ENO4: variants seen among roughly 807,000 people sequenced by gnomAD.
The protein encoded by ENO4 is enolase 4.
ENO4 carries 53 observed loss-of-function variants against 63.2 expected under a neutral mutation model. The ratio of observed to expected loss-of-function variants is 0.84; its 90% CI spans 0.67 to 1.05. The LOEUF (loss-of-function observed/expected upper bound fraction) is 1.05. Ranked by LOEUF, ENO4 falls within the 50% of genes least tolerant of loss-of-function variation. ENO4 has a pLI of 0.00. For synonymous variants in ENO4, 266 were observed against 283.8 expected (o/e 0.94, Z 0.63); for missense variants, 719 against 772.0 (o/e 0.93, Z 0.81).
At chr10:116,879,825 G>A (rs763104831) in intron 12 of ENO4, 44 bp from the exon 13 acceptor site, 3 of 1,407,730 alleles carry the variant, frequency 2.1e-6, no homozygotes, top group Non-Finnish European at 2.9e-6. Flanking sequence ...CGTTTAGCAA[G>A]ACATGGCTCC....
chr10:116,880,435 A>G lies in ENO4; in HGVS notation c.1723+449A>G, dbSNP rs568787980. 1.9e-3 allele frequency among the ~76,000 whole-genome samples: 284 copies of G among 152,356 alleles called. 2 individuals carry two copies. Among genetic ancestry groups the G allele is most frequent in the Non-Finnish European group, 3.4e-3 (229 of 68,044 alleles). On this transcript the variant is annotated intron_variant, in intron 13 of 13. Transcript: ENST00000341276. The stretch of plus-strand genomic sequence containing the variant: ...ATTAAGGTCTCAAGAGAAATCGATC[A>G]TTTAATGAAATTGAACCTTTGTAAA...
intron 10 of ENO4, among the ~76,000 whole-genome samples, chr10:116,904,968 G>A (rs915481490): frequency 1.7e-4 from 26 of 151,896 alleles, no homozygotes; most frequent in African/African-American, 4.6e-4. Context: ...TTGGGAGGCC[G>A]AGGCGGGTGG....
chr10:116,876,290 G>C (rs1018360946), intron 11 of ENO4, 30 bp downstream of exon 11: 1 of 1,481,246 alleles, frequency 6.8e-7, no homozygotes, highest in Non-Finnish European at 9.0e-7. Context: ...TGAAAGACTC[G>C]TAATGACTTG....
rs6144113 is a variant in ENO4, at chr10:116,893,576, G to GCACACACACA, written c.1194+13602_1194+13611dup. Among the ~76,000 whole-genome samples the GCACACACACA allele has an allele frequency of 1.5e-3, 188 of 123,592 alleles. 5 individuals are homozygous for GCACACACACA. Among genetic ancestry groups the GCACACACACA allele is most frequent in the Admixed American group, 2.3e-3 (27 of 11,842 alleles). 81.1% of individuals were successfully genotyped at this position (123,592 alleles called of 152,430 possible). ...CCCCCTCCCTGATAGGCACTCATGT[G>GCACACACACA]CACACACACACACACACACACGAGA... On this transcript the variant is annotated intron_variant, in intron 10 of 10. Transcript: ENST00000369207.
At chr10:116,896,287 C>T (rs369123490) in intron 10 of ENO4, among the ~76,000 whole-genome samples, 3 of 152,166 alleles carry the variant, frequency 2.0e-5, no homozygotes, top group East Asian at 3.9e-4. Flanking sequence ...AAGGCAATTT[C>T]ACCCACACTG....
At chr10:116,869,128 C>A (rs539427737) in intron 8 of ENO4, among the ~76,000 whole-genome samples, 8 of 152,214 alleles carry the variant, frequency 5.3e-5, no homozygotes, top group Admixed American at 2.0e-4. Context: ...CCCAAAGGCA[C>A]TGAAGCATCA....
At chr10:116,878,742 C>CTCT (rs1846907442) in intron 11 of ENO4, among the ~76,000 whole-genome samples, 1 of 114,362 alleles carries the variant, frequency 8.7e-6, no homozygotes, top group Admixed American at 1.1e-4. Context: ...AATCATATAT[C>CTCT]TTTTTTTTTT....
At chr10:116,859,510 T>C (rs1846352543) in intron 4 of ENO4, among the ~76,000 whole-genome samples, 1 of 152,222 alleles carries the variant, frequency 6.6e-6, no homozygotes, top group Admixed American at 6.5e-5. Flanking sequence ...TCCTTTGATA[T>C]GAACAACCAA....
chr10:116,903,509 G>C (rs1847832885), intron 10 of ENO4, among the ~76,000 whole-genome samples: 1 of 151,804 alleles, frequency 6.6e-6, no homozygotes, highest in Non-Finnish European at 1.5e-5. Context: ...TGGGCGACAA[G>C]AGAGACTTCA....
At chr10:116,889,308 G>T (rs191859830) in intron 10 of ENO4, among the ~76,000 whole-genome samples, 2 of 152,282 alleles carry the variant, frequency 1.3e-5, no homozygotes, top group Admixed American at 1.3e-4. Context: ...AATTGTCCTG[G>T]AATTGTCTCA....
At position 116,850,070 on chromosome 10, in the gene ENO4, A is replaced by G. The variant is rs72831655; in HGVS notation, c.165+339A>G. 2,236 of 462,640 alleles carry G rather than the reference A, an allele frequency of 4.8e-3. 14 individuals are homozygous for G. The highest frequency in any genetic ancestry group is 9.0e-3 in the Middle Eastern group (29 of 3,208). The allele number at this position is 462,640 out of a possible 1,614,324, so 28.7% of individuals were successfully genotyped here. A position where few individuals can be genotyped will look rare whatever the true frequency, so the allele number is the denominator to read the frequency against. On this transcript the variant is annotated intron_variant, in intron 1 of 13. Transcript: ENST00000341276. ...GCCGGCCCACCGCCCATGCTTGCCAATTGTCATTTTTAACACATACCTTAA... is the reference window on the plus strand; with the variant it reads ...GCCGGCCCACCGCCCATGCTTGCCAGTTGTCATTTTTAACACATACCTTAA...
intron 7 of ENO4, among the ~76,000 whole-genome samples, chr10:116,864,173 T>G (rs1404120772): frequency 6.6e-6 from 1 of 152,166 alleles, no homozygotes; most frequent in Non-Finnish European, 1.5e-5. Context: ...CCTTCTAAAT[T>G]TCTTTTAAAA....
In ENO4 at chr10:116,855,731, A is replaced by G. The variant is rs1564843965; in HGVS notation, c.274A>G (p.Thr92Ala). ...LPTLQVDIFC[T>A]IQNFPKNVCS... Reference sequence around the variant, plus strand: ...AACCCTGCAAGTGGACATATTCTGCACCATTCAAAACTTTCCCAAGGTATG... The same window carrying G: ...AACCCTGCAAGTGGACATATTCTGCGCCATTCAAAACTTTCCCAAGGTATG... Residue 92 changes from threonine to alanine, a missense_variant, in exon 2 of 14, where the codon ACC becomes GCC. Physicochemically the swap from Thr to Ala is moderately conservative, Grantham distance 58. Coordinates refer to ENST00000341276, the MANE Select transcript of ENO4 (RefSeq NM_001242699.2). 1 of 1,535,366 alleles carries G rather than the reference A, an allele frequency of 6.5e-7. No homozygotes were observed. Among genetic ancestry groups the G allele is most frequent in the Non-Finnish European group, 8.7e-7 (1 of 1,146,048 alleles).
At position 116,882,469 on chromosome 10, in the gene ENO4, T is replaced by C. The variant is rs557574439; in HGVS notation, c.*800T>C. 3 of 150,180 alleles carry C rather than the reference T, an allele frequency of 2.0e-5. No individual in the cohort carries two copies. In the East Asian group the frequency reaches 5.8e-4, roughly 29 times the overall value. The allele number at this position is 150,180 out of a possible 1,614,324, so 9.3% of individuals were successfully genotyped here. A position where few individuals can be genotyped will look rare whatever the true frequency, so the allele number is the denominator to read the frequency against. ...GCTCTTTTGTAAGCCAGTGTTGGGA[T>C]TATAGCAGAGGAGTAGCAGAAATAA... On this transcript the variant is annotated 3_prime_UTR_variant, in exon 14 of 14. Coordinates refer to ENST00000341276, the MANE Select transcript of ENO4 (RefSeq NM_001242699.2).
chr10:116,894,146 A>G (rs1847434073), intron 10 of ENO4, among the ~76,000 whole-genome samples: 1 of 152,206 alleles, frequency 6.6e-6, no homozygotes, highest in Non-Finnish European at 1.5e-5. Context: ...TCTAAAATTT[A>G]TCTTTTGTCA....
chr10:116,875,378 C>T (rs1273862354), intron 10 of ENO4, among the ~76,000 whole-genome samples: 3 of 152,236 alleles, frequency 2.0e-5, no homozygotes, highest in South Asian at 4.1e-4. Context: ...CAGGGTCTTG[C>T]TCTGTCACCC....
chr10:116,892,135 G>A (rs1283187913), intron 10 of ENO4, among the ~76,000 whole-genome samples: 1 of 152,182 alleles, frequency 6.6e-6, no homozygotes, highest in African/African-American at 2.4e-5. Flanking sequence ...TTAGCTGAGT[G>A]ACTGCAGCAC....
intron 1 of ENO4, among the ~76,000 whole-genome samples, chr10:116,851,303 A>G (rs556693714): frequency 4.3e-4 from 66 of 152,314 alleles, no homozygotes; most frequent in African/African-American, 1.5e-3. Flanking sequence ...TATGCCTATT[A>G]AAGGAATTCA....
chr10:116,849,680 G>A lies in ENO4; in HGVS notation c.114G>A (p.Glu38=), dbSNP rs992203846. 4 of 1,549,278 alleles carry A rather than the reference G, an allele frequency of 2.6e-6. No homozygotes were observed. The African/African-American group carries it at 5.5e-5, about 21-fold the overall frequency. The change falls in exon 1 of 14, where the codon GAG becomes GAA. Residue 38 remains glutamate, a synonymous_variant. Coordinates refer to ENST00000341276, the MANE Select transcript of ENO4 (RefSeq NM_001242699.2). The part of the protein sequence containing the change: ...RENDVPRRLE[E]LLNSTFYLQP... ...ACGACGTTCCGCGCAGGCTGGAAGA[G>A]CTGCTCAACTCCACCTTCTACCTCC...
Sources: gnomAD v4.1 joint callset for allele counts (sites outside exome capture counted in the v4.1 genomes callset) on GRCh38, gnomAD v4.1.1 for gene constraint, MANE v1.5 for transcripts, NCBI Gene and HGNC (gene_info 2026-07-23, HGNC 2026-07-21) for gene names.